ITIH5: variants seen among roughly 807,000 people sequenced by gnomAD.
ITIH5 encodes inter-alpha-trypsin inhibitor heavy chain H5.
ITIH5 carries 65 observed loss-of-function variants against 77.5 expected under a neutral mutation model. That is an observed-to-expected ratio of 0.84 (90% CI 0.69 to 1.03). The LOEUF is 1.03. ITIH5 is among the 50% of genes least tolerant of loss of function. The probability of loss-of-function intolerance (pLI) is 0.00; values close to 1 mark genes in which losing one functional copy is unlikely to be tolerated. For synonymous variants in ITIH5, 525 were observed against 494.3 expected (o/e 1.06, Z -0.82); for missense variants, 1,208 against 1,213.1 (o/e 1.00, Z 0.06).
At position 7,663,973 on chromosome 10, in the gene ITIH5, A is replaced by C. The variant is rs1251346928; in HGVS notation, c.90+2830T>G. 1.3e-5 allele frequency among the ~76,000 whole-genome samples: 2 copies of C among 152,272 alleles called. 1 individual carries two copies. Among genetic ancestry groups the C allele is most frequent in the Non-Finnish European group, 2.9e-5 (2 of 68,046 alleles). On this transcript the variant is annotated intron_variant, in intron 1 of 13. Transcript: ENST00000397146. ...TAAAACTGCTTTGATAATAATGGGA[A>C]TATAACTCTATCTTTAAAGACACCA... is the stretch of plus-strand genomic sequence containing the variant.
intron 7 of ITIH5, among the ~76,000 whole-genome samples, chr10:7,611,248 C>T (rs1833238313): frequency 1.3e-5 from 2 of 152,348 alleles, no homozygotes; most frequent in African/African-American, 4.8e-5. Flanking sequence ...GGGATGACAA[C>T]TAAATTATTT....
intron 7 of ITIH5, among the ~76,000 whole-genome samples, chr10:7,613,804 G>T (rs74119820): frequency 0.043 from 6,571 of 152,190 alleles, 501 homozygotes; most frequent in African/African-American, 0.15. Context: ...TAGCTTAGGG[G>T]TGCTCTGGCA....
intron 10 of ITIH5, among the ~76,000 whole-genome samples, chr10:7,574,322 A>G (rs1348731521): frequency 6.6e-6 from 1 of 152,194 alleles, no homozygotes; most frequent in African/African-American, 2.4e-5. Flanking sequence ...TCCCTTCTCA[A>G]TACTGGTCTT....
intron 4 of ITIH5, among the ~76,000 whole-genome samples, chr10:7,640,298 C>T (rs928247852): frequency 2.0e-5 from 3 of 151,428 alleles, no homozygotes; most frequent in Non-Finnish European, 2.9e-5. Flanking sequence ...TAGCAAGACC[C>T]GATCTCTACA....
chr10:7,641,800 C>T, intron 3 of ITIH5, 127 bp downstream of exon 3: 1 of 625,502 alleles, frequency 1.6e-6, no homozygotes, highest in Non-Finnish European at 2.7e-6. Flanking sequence ...AAGAATTGAC[C>T]TTCTGATCTA....
chr10:7,632,328 G>A (rs1833726101), intron 5 of ITIH5, among the ~76,000 whole-genome samples: 1 of 152,144 alleles, frequency 6.6e-6, no homozygotes, highest in Admixed American at 6.5e-5. Context: ...AATGGGTACA[G>A]GGATCCTTCT....
At position 7,576,600 on chromosome 10, in the gene ITIH5, T is replaced by C. The variant is rs1832422844; in HGVS notation, c.1831A>G (p.Ser611Gly). The C allele has an allele frequency of 6.2e-7, 1 of 1,614,058 alleles. No homozygotes were observed. The highest frequency in any genetic ancestry group is 8.5e-7 in the Non-Finnish European group (1 of 1,180,034). ...LRQRAQALAV[S>G]YRFLTPFTSM... ...GTGAAGGGAGTGAGGAAGCGGTAGC[T>C]CACAGCCAGGGCCTGGGCCCGCTGC... Residue 611 changes from serine to glycine, a missense_variant, in exon 10 of 14, where the codon AGC (serine) becomes GGC (glycine). By Grantham distance (56) the Ser-to-Gly change is moderately conservative (BLOSUM62 0). Coordinates refer to ENST00000397146, the MANE Select transcript of ITIH5 (RefSeq NM_030569.7).
chr10:7,566,152 C>A lies in ITIH5; in HGVS notation c.2405G>T (p.Gly802Val), dbSNP rs1265055281. ...ANANVTVTIQ[G>V]SIAFVILIHL... ...GATGAGGATGACAAAGGCTATGGAG[C>A]CCTGGATGGTGACGGTGACATTGGC... The change falls in exon 13 of 14, where the codon GGC (glycine) becomes GTC (valine). Residue 802 changes from glycine (G) to valine (V), a missense_variant. Transcript: ENST00000397146. 4 of 1,614,080 alleles carry A rather than the reference C, an allele frequency of 2.5e-6. No individual in the cohort carries two copies. The highest frequency in any genetic ancestry group is 1.7e-5 in the Admixed American group (1 of 60,000).
At chr10:7,642,157 C>CT (rs113650478) in intron 2 of ITIH5, 67 bp from the exon 3 acceptor site, 91,796 of 948,296 alleles carry the variant, frequency 0.097, 874 homozygotes, top group Admixed American at 0.23. Context: ...AGTGGAACAT[C>CT]TTTTTTTTTT....
At chr10:7,592,148 C>T (rs377410453) in intron 7 of ITIH5, among the ~76,000 whole-genome samples, 1 of 152,072 alleles carries the variant, frequency 6.6e-6, no homozygotes, top group Non-Finnish European at 1.5e-5. Flanking sequence ...GGATTACAGG[C>T]GTGAGCCACC....
At chr10:7,634,384 T>C (rs997459864) in intron 5 of ITIH5, among the ~76,000 whole-genome samples, 1 of 152,160 alleles carries the variant, frequency 6.6e-6, no homozygotes, top group African/African-American at 2.4e-5. Flanking sequence ...CGCTGAGCTC[T>C]GAAAGACGGG....
intron 2 of ITIH5, among the ~76,000 whole-genome samples, chr10:7,644,654 ACATATATATCATATATATCACATATATAT>A (rs1833961220): frequency 1.5e-5 from 2 of 132,834 alleles, no homozygotes; most frequent in Admixed American, 7.9e-5. Flanking sequence ...CATATATATC[ACATATATATCATATATATCACATATATAT>A]CATATATATC....
At chr10:7,574,515 C>T (rs1049717868) in intron 10 of ITIH5, among the ~76,000 whole-genome samples, 5 of 152,062 alleles carry the variant, frequency 3.3e-5, no homozygotes, top group Admixed American at 6.5e-5. Context: ...AAAAACCGGC[C>T]GGGCGCAGTG....
Position 7,563,289 on chromosome 10 carries a change from G to A in ITIH5, c.2623C>T (p.Pro875Ser), listed in dbSNP as rs1832074496. The stretch of plus-strand genomic sequence containing the variant: ...CCTTTCACTGTTAGGACGGCCTCAG[G>A]CCCCTCTCCCACCTGAAGGAGCAGA... ...HPLLLQVGEG[P>S]EAVLTVKGHQ... Residue 875 changes from proline to serine, a missense_variant, in exon 14 of 14, where the codon CCT (proline) becomes TCT (serine). Physicochemically the swap from Pro to Ser is moderately conservative, Grantham distance 74. Coordinates refer to ENST00000397146, the MANE Select transcript of ITIH5 (RefSeq NM_030569.7). The A allele has an allele frequency of 6.2e-7, 1 of 1,614,086 alleles. No homozygotes were observed. The highest frequency in any genetic ancestry group is 1.3e-5 in the African/African-American group (1 of 74,932).
chr10:7,559,708 T>C lies in ITIH5; in HGVS notation c.*3375A>G. The C allele has an allele frequency of 2.4e-6, 1 of 422,986 alleles. No homozygotes were observed. The highest frequency in any genetic ancestry group is 1.7e-5 in the South Asian group (1 of 57,608). 26.2% of individuals were successfully genotyped at this position (422,986 alleles called of 1,614,324 possible). ...AAAACACATTTATTTCTCACAGTTC[T>C]GGAGGCTGGGAGGTCCAAGATCAAG... On this transcript the variant is annotated 3_prime_UTR_variant, in exon 14 of 14. Transcript: ENST00000397146.
At chr10:7,582,456 G>GT (rs35537997) in intron 8 of ITIH5, among the ~76,000 whole-genome samples, 4,020 of 151,408 alleles carry the variant, frequency 0.027, 74 homozygotes, top group Non-Finnish European at 0.044. Flanking sequence ...TATTTCCTTT[G>GT]TTTTTTTTTT....
intron 10 of ITIH5, among the ~76,000 whole-genome samples, chr10:7,575,548 C>T (rs1282734694): frequency 6.6e-6 from 1 of 152,146 alleles, no homozygotes; most frequent in Non-Finnish European, 1.5e-5. Flanking sequence ...GAATACAATG[C>T]CCTGCTTTGG....
At chr10:7,603,181 G>A (rs1334246903) in intron 7 of ITIH5, among the ~76,000 whole-genome samples, 1 of 152,020 alleles carries the variant, frequency 6.6e-6, no homozygotes, top group Non-Finnish European at 1.5e-5. Flanking sequence ...AAAAACGCGT[G>A]GTATATCCAT....
rs1194534685 is a variant in ITIH5 at position 7,576,470 on chromosome 10, C to T, written c.1961G>A (p.Gly654Glu). ...GPEPVVQSVR[G>E]AGTQPGPLLK... is the part of the protein sequence containing the mutation. ...CCTCGTACCTGGCTGCGTGCCAGCT[C>T]CTCGCACGCTCTGCACCACCGGTTC... The change falls in exon 10 of 14, where the codon GGA becomes GAA. Residue 654 changes from glycine to glutamate, a missense_variant. By Grantham distance (98) the Gly-to-Glu change is moderately conservative. Coordinates refer to ENST00000397146, the MANE Select transcript of ITIH5 (RefSeq NM_030569.7). The T allele has an allele frequency of 2.1e-5, 34 of 1,599,060 alleles. No individual in the cohort carries two copies. Among genetic ancestry groups the T allele is most frequent in the Admixed American group, 3.4e-5 (2 of 59,466 alleles).
Sources: gnomAD v4.1 joint callset for allele counts (sites outside exome capture counted in the v4.1 genomes callset) on GRCh38, gnomAD v4.1.1 for gene constraint, MANE v1.5 for transcripts, NCBI Gene and HGNC (gene_info 2026-07-23, HGNC 2026-07-21) for gene names.